The following PATL1 variants were observed in gnomAD, a reference collection of about 807,000 sequenced individuals.
PATL1 encodes the protein protein PAT1 homolog 1.
Under a neutral mutation model 100.6 loss-of-function variants are expected in PATL1, and 32 were observed. The observed-to-expected ratio is 0.32, with a 90% CI of 0.24 to 0.43. The LOEUF is 0.43. Ranked by LOEUF, PATL1 falls within the 20% of genes least tolerant of loss-of-function variation. The pLI is 1.00. For missense variants in PATL1, 747 were observed against 949.9 expected (o/e 0.79, Z 2.81); for synonymous variants, 332 against 330.0 (o/e 1.01, Z -0.07).
In PATL1 at chr11:59,659,478, T is replaced by C. The variant is rs1861597211; in HGVS notation, c.128-9A>G. The C allele has an allele frequency of 1.9e-6, 3 of 1,547,952 alleles. No homozygotes were observed. Among genetic ancestry groups the C allele is most frequent in the Non-Finnish European group, 2.6e-6 (3 of 1,146,606 alleles). Reference sequence around the variant, plus strand: ...TTCCTGCCAATCATCATCTATAAGATGACACAGTTCATGTAAGAAATAGTT... The same window carrying C: ...TTCCTGCCAATCATCATCTATAAGACGACACAGTTCATGTAAGAAATAGTT... On this transcript the variant is annotated splice_polypyrimidine_tract_variant and intron_variant, in intron 2 of 18. Coordinates refer to ENST00000300146, the MANE Select transcript of PATL1 (RefSeq NM_152716.3).
chr11:59,658,642 G>C (rs1861576622), intron 4 of PATL1, among the ~76,000 whole-genome samples: 1 of 152,074 alleles, frequency 6.6e-6, no homozygotes, highest in African/African-American at 2.4e-5. Context: ...CTTTTTAAGT[G>C]ATTCAAATCA....
intron 2 of PATL1, among the ~76,000 whole-genome samples, chr11:59,666,115 G>A (rs1426034938): frequency 2.0e-5 from 3 of 152,050 alleles, no homozygotes; most frequent in African/African-American, 4.8e-5. Flanking sequence ...GTGTGGTGGC[G>A]GGCACCTGTA....
rs560667288 is a variant in PATL1 at position 59,666,126 on chromosome 11, A to G, written c.127+727T>C. Among the ~76,000 whole-genome samples, 222 of 151,710 alleles carry G rather than the reference A, an allele frequency of 1.5e-3. 1 individual carries two copies. Among genetic ancestry groups the G allele is most frequent in the African/African-American group, 5.1e-3 (213 of 41,366 alleles). On this transcript the variant is annotated intron_variant, in intron 2 of 18. Transcript: ENST00000300146. ...CTCGGTGTGGTGGCGGGCACCTGTA[A>G]TCCCGGCTACTCGGGAGCCTGAGGC... is the stretch of plus-strand genomic sequence containing the variant.
At chr11:59,648,185 C>CTTTTTTTTT (rs887689437) in intron 14 of PATL1, among the ~76,000 whole-genome samples, 2 of 130,468 alleles carry the variant, frequency 1.5e-5, no homozygotes, top group African/African-American at 2.9e-5. Context: ...AACTTTTTTT[C>CTTTTTTTTT]TTTTTTTTTT....
chr11:59,656,595 C>A lies in PATL1; in HGVS notation c.627G>T (p.Leu209=), dbSNP rs760812700. ...GCCGAACATGGACAGGCTTCGGACA[C>A]AGAATCTATCAGGACAAACATATAT... ...MAVPSFTQQI[L]CPKPVHVRPP... Residue 209 remains leucine, a synonymous_variant, in exon 6 of 19, where the codon CTG becomes CTT. Coordinates refer to ENST00000300146, the MANE Select transcript of PATL1 (RefSeq NM_152716.3). 3 of 1,613,032 alleles carry A rather than the reference C, an allele frequency of 1.9e-6. No individual in the cohort carries two copies. Among genetic ancestry groups the A allele is most frequent in the Non-Finnish European group, 1.7e-6 (2 of 1,179,042 alleles).
chr11:59,655,363 A>C (rs1026250726), intron 8 of PATL1, among the ~76,000 whole-genome samples, 160 bp downstream of exon 8: 4 of 152,218 alleles, frequency 2.6e-5, no homozygotes, highest in Non-Finnish European at 5.9e-5. Context: ...TTCACAAGAA[A>C]GCCTGGAGAT....
intron 7 of PATL1, 102 bp from the exon 8 acceptor site, chr11:59,655,842 A>G (rs1164121978): frequency 7.2e-7 from 1 of 1,397,342 alleles, no homozygotes; most frequent in Admixed American, 2.1e-5. Context: ...CTTTGTTTGA[A>G]AAAGTAAAGG....
intron 13 of PATL1, among the ~76,000 whole-genome samples, chr11:59,650,363 C>G (rs1861424189): frequency 6.6e-6 from 1 of 152,166 alleles, no homozygotes; most frequent in Non-Finnish European, 1.5e-5. Context: ...CTATTAATAT[C>G]CATTATTTTC....
chr11:59,638,022 G>A lies in PATL1; in HGVS notation c.*368C>T, dbSNP rs1044995600. 7.6e-6 allele frequency: 2 copies of A among 263,188 alleles called. No individual in the cohort carries two copies. The highest frequency in any genetic ancestry group is 1.5e-4 in the East Asian group (2 of 13,204). 16.3% of individuals were successfully genotyped at this position (263,188 alleles called of 1,614,324 possible). The stretch of plus-strand genomic sequence containing the variant: ...AATGAAAAAACAACTTCAATAGGAT[G>A]AGGGAAGGAATCCTTTGGCAGGCTA... On this transcript the variant is annotated 3_prime_UTR_variant, in exon 19 of 19. Coordinates refer to ENST00000300146, the MANE Select transcript of PATL1 (RefSeq NM_152716.3).
intron 3 of PATL1, 111 bp from the exon 4 acceptor site, chr11:59,659,057 G>A (rs879656477): frequency 1.8e-5 from 19 of 1,068,114 alleles, no homozygotes; most frequent in Admixed American, 2.7e-5. Flanking sequence ...TTTAGAATAC[G>A]AAATTATAGG....
chr11:59,659,155 A>G, intron 3 of PATL1, 97 bp downstream of exon 3: 1 of 1,105,170 alleles, frequency 9.0e-7, no homozygotes, highest in East Asian at 2.6e-5. Flanking sequence ...GTATATGTAA[A>G]TCTCTCATTA....
chr11:59,658,163 C>CAAAAA (rs746089908), intron 4 of PATL1, among the ~76,000 whole-genome samples: 1 of 107,990 alleles, frequency 9.3e-6, no homozygotes. Context: ...GACCTGGTCT[C>CAAAAA]AAAAAAAAAA....
chr11:59,657,222 CGGCT>C, intron 5 of PATL1: 1 of 797,862 alleles, frequency 1.3e-6, no homozygotes, highest in East Asian at 1.3e-4. Context: ...CCACTCCCCC[CGGCT>C]TTCAGTTATC....
At chr11:59,654,507 A>G (rs920045686) in intron 8 of PATL1, among the ~76,000 whole-genome samples, 1 of 151,550 alleles carries the variant, frequency 6.6e-6, no homozygotes, top group Non-Finnish European at 1.5e-5. Flanking sequence ...AAAAAAAAAA[A>G]AGAGTCTATT....
intron 14 of PATL1, 144 bp downstream of exon 14, chr11:59,649,318 G>A (rs1861408003): frequency 1.3e-6 from 1 of 758,760 alleles, no homozygotes; most frequent in Non-Finnish European, 2.0e-6. Flanking sequence ...TAAATGAAGT[G>A]GCATTTGAGT....
At chr11:59,638,461 G>A (rs1861224419) in intron 18 of PATL1, 50 bp from the exon 19 acceptor site, 4 of 1,501,532 alleles carry the variant, frequency 2.7e-6, no homozygotes, top group Non-Finnish European at 3.7e-6. Flanking sequence ...AGTTAAAACA[G>A]AAGGCAATCT....
chr11:59,655,770 G>C (rs368829709), intron 7 of PATL1, 30 bp from the exon 8 acceptor site: 2 of 1,541,052 alleles, frequency 1.3e-6, no homozygotes, highest in African/African-American at 1.4e-5. Flanking sequence ...CTTAGATTTA[G>C]ACAATCAGCA....
intron 8 of PATL1, 43 bp downstream of exon 8, chr11:59,655,480 A>T (rs926690753): frequency 6.9e-7 from 1 of 1,439,414 alleles, no homozygotes; most frequent in African/African-American, 1.4e-5. Flanking sequence ...CAATCAAGAG[A>T]CTTGGCTGAT....
In PATL1 at chr11:59,659,423, T is replaced by G; in HGVS notation, c.174A>C (p.Glu58Asp). Residue 58 changes from glutamate (E) to aspartate (D), a missense_variant, in exon 3 of 19, where the codon GAA becomes GAC. By Grantham distance (45) the Glu-to-Asp change is conservative. Around this residue, in one of 4 missense-constraint regions of PATL1, gnomAD observed 183 missense variants for 221.2 expected, o/e 0.83. Coordinates refer to ENST00000300146, the MANE Select transcript of PATL1 (RefSeq NM_152716.3). ...GTTCATTAACTGCCACTGGTAGCTT[T>G]TCTTCCAATTCAGCCAGGCGCTCAT... ...EAHERLAELE[E>D]KLPVAVNEQT... 6.4e-7 allele frequency: 1 copy of G among 1,551,374 alleles called. No homozygotes were observed. Among genetic ancestry groups the G allele is most frequent in the Non-Finnish European group, 8.7e-7 (1 of 1,146,932 alleles).
Sources: allele counts gnomAD v4.1 joint callset (sites outside exome capture counted in the v4.1 genomes callset), GRCh38; gene constraint gnomAD v4.1.1; regional missense constraint gnomAD v4.1.1; transcripts MANE v1.5; gene names NCBI Gene and HGNC (gene_info 2026-07-23, HGNC 2026-07-21).